Variants in EPRS1 observed in about 807,000 individuals in gnomAD.
EPRS1 encodes glutamyl-prolyl-tRNA synthetase 1.
In EPRS1, 107 loss-of-function variants were observed where a neutral mutation model predicts 188.3. The observed-to-expected ratio is 0.57, with a 90% CI of 0.49 to 0.67. The LOEUF is 0.67. Among genes scored for constraint, EPRS1 ranks in the 30% least tolerant of loss-of-function variants. EPRS1 has a pLI of 0.00. For synonymous variants in EPRS1, 596 were observed against 593.1 expected, an observed-to-expected ratio of 1.00 and a Z score of -0.07; for missense variants, 1,577 against 1,802.2, an observed-to-expected ratio of 0.88 and a Z score of 2.26.
chr1:220,013,607 A>C (rs1049078920), intron 12 of EPRS1, among the ~76,000 whole-genome samples: 3 of 152,208 alleles, frequency 2.0e-5, no homozygotes, highest in Admixed American at 6.5e-5. Context: ...TCACAACTCC[A>C]CGGCGCTAAA....
chr1:219,990,380 A>G (rs1661096771), intron 18 of EPRS1, among the ~76,000 whole-genome samples: 1 of 152,180 alleles, frequency 6.6e-6, no homozygotes. Flanking sequence ...GTACCTAAAG[A>G]TTCTTGAGAG....
intron 12 of EPRS1, among the ~76,000 whole-genome samples, chr1:220,011,343 A>G (rs890783477): frequency 7.9e-5 from 12 of 152,354 alleles, no homozygotes; most frequent in African/African-American, 2.6e-4. Flanking sequence ...AAATAATTTT[A>G]AAATCTGGTA....
intron 6 of EPRS1, among the ~76,000 whole-genome samples, chr1:220,025,642 T>C (rs1393178966): frequency 1.3e-5 from 2 of 152,136 alleles, no homozygotes; most frequent in Non-Finnish European, 2.9e-5. Flanking sequence ...TAATAAGACC[T>C]ACTACTACTG....
chr1:220,021,668 T>C (rs911200404), intron 9 of EPRS1, among the ~76,000 whole-genome samples: 1 of 152,196 alleles, frequency 6.6e-6, no homozygotes, highest in Non-Finnish European at 1.5e-5. Flanking sequence ...TGTATGCACA[T>C]ATAATCACAT....
At chr1:220,026,366 T>C (rs558113084) in intron 6 of EPRS1, among the ~76,000 whole-genome samples, 2 of 152,226 alleles carry the variant, frequency 1.3e-5, no homozygotes, top group African/African-American at 4.8e-5. Flanking sequence ...CCTCCTTCTA[T>C]CAAGTACATG....
intron 12 of EPRS1, among the ~76,000 whole-genome samples, chr1:220,017,592 A>C (rs1661745755): frequency 6.6e-6 from 1 of 152,218 alleles, no homozygotes; most frequent in Non-Finnish European, 1.5e-5. Context: ...GAAACAAGCA[A>C]CTATATCTTG....
intron 23 of EPRS1, 37 bp from the exon 24 acceptor site, chr1:219,981,494 G>T: frequency 1.5e-6 from 2 of 1,362,918 alleles, no homozygotes; most frequent in Non-Finnish European, 2.1e-6. Flanking sequence ...GTCATTTAAG[G>T]CTTTATTTCT....
chr1:220,032,069 C>A (rs1662093872), intron 5 of EPRS1, among the ~76,000 whole-genome samples: 1 of 151,662 alleles, frequency 6.6e-6, no homozygotes, highest in African/African-American at 2.4e-5. Context: ...CTCAGACAGA[C>A]TGAAATGTCA....
chr1:220,005,336 G>T lies in EPRS1; in HGVS notation c.1975C>A (p.Pro659Thr). ...SKHEELMLGD[P>T]CLKDLKKGDI... Reference sequence around the variant, plus strand: ...CCTTTTTTCAAATCCTTAAGGCAGGGATCCCCTAGCATTAGCTCTTCATGC... The same window carrying T: ...CCTTTTTTCAAATCCTTAAGGCAGGTATCCCCTAGCATTAGCTCTTCATGC... The change falls in exon 16 of 32, where the codon CCC (proline) becomes ACC (threonine). Residue 659 changes from proline to threonine, a missense_variant. Transcript: ENST00000366923. 6.3e-7 allele frequency: 1 copy of T among 1,590,126 alleles called. No homozygotes were observed. Among genetic ancestry groups the T allele is most frequent in the African/African-American group, 1.4e-5 (1 of 74,036 alleles).
intron 9 of EPRS1, 98 bp from the exon 10 acceptor site, chr1:220,020,319 A>G: frequency 1.3e-6 from 1 of 775,134 alleles, no homozygotes; most frequent in Non-Finnish European, 2.0e-6. Flanking sequence ...GTAATTCTTT[A>G]CAAGTTAAGA....
At chr1:220,023,342 T>G (rs527394529) in intron 8 of EPRS1, among the ~76,000 whole-genome samples, 66 of 152,286 alleles carry the variant, frequency 4.3e-4, no homozygotes, top group African/African-American at 1.6e-3. Flanking sequence ...CCTCTGAAAA[T>G]GTAGAAAACC....
chr1:219,981,516 G>T, intron 23 of EPRS1, 59 bp from the exon 24 acceptor site: 1 of 1,002,862 alleles, frequency 1.0e-6, no homozygotes, highest in Non-Finnish European at 1.5e-6. Context: ...CTTTAGGGAT[G>T]TAACAGCTAA....
chr1:219,971,349 T>C (rs2102557751), intron 30 of EPRS1, among the ~76,000 whole-genome samples: 1 of 152,226 alleles, frequency 6.6e-6, no homozygotes, highest in African/African-American at 2.4e-5. Context: ...ATATATAAAA[T>C]CAATTAAATC....
chr1:220,030,609 C>A, intron 5 of EPRS1, 129 bp from the exon 6 acceptor site: 1 of 670,466 alleles, frequency 1.5e-6, no homozygotes, highest in Non-Finnish European at 2.7e-6. Flanking sequence ...AACATCATCC[C>A]TACACTTGAG....
intron 1 of EPRS1, among the ~76,000 whole-genome samples, chr1:220,045,752 C>T (rs1662389749): frequency 6.6e-6 from 1 of 152,124 alleles, no homozygotes; most frequent in South Asian, 2.1e-4. Flanking sequence ...GGTGTTTTCC[C>T]CAATTACCCT....
At position 220,034,928 on chromosome 1, in the gene EPRS1, T is replaced by C. The variant is rs1571697693; in HGVS notation, c.217A>G (p.Met73Val). Reference sequence around the variant, plus strand: ...TCATTGCTTACCTCAGTATGTTCCATCAGATTAGAGCCATATAACCCAGCT... The same window carrying C: ...TCATTGCTTACCTCAGTATGTTCCACCAGATTAGAGCCATATAACCCAGCT... The part of the protein sequence containing the change: ...TTAGLYGSNL[M>V]EHTEIDHWLE... Residue 73 changes from methionine to valine, a missense_variant, in exon 3 of 32, where the codon ATG becomes GTG. Coordinates refer to ENST00000366923, the MANE Select transcript of EPRS1 (RefSeq NM_004446.3). The C allele has an allele frequency of 1.3e-6, 2 of 1,587,822 alleles. No individual in the cohort carries two copies. Among genetic ancestry groups the C allele is most frequent in the East Asian group, 2.2e-5 (1 of 44,702 alleles).
rs766890521 is a variant in EPRS1 at position 220,018,975 on chromosome 1, G to C, written c.1434+20C>G. On this transcript the variant is annotated intron_variant, in intron 11 of 31. Transcript: ENST00000366923. ...CCTGAAATTTCAAACAGACAAGCTG[G>C]AAAAGAAACTGTAACGCACCTGAGC... 7 of 1,560,072 alleles carry C rather than the reference G, an allele frequency of 4.5e-6. No homozygotes were observed. The East Asian group carries it at 1.1e-4, about 25-fold the overall frequency.
In EPRS1 at chr1:219,969,066, G is replaced by A. The variant is rs763133315; in HGVS notation, c.4380C>T (p.Thr1460=). The change falls in exon 31 of 32, where the codon ACC becomes ACT. Residue 1460 remains threonine (T), a synonymous_variant. Coordinates refer to ENST00000366923, the MANE Select transcript of EPRS1 (RefSeq NM_004446.3). ...EIDCEDWIKK[T]TARDQDLEPG... is the part of the protein sequence containing the mutation. ...CAGTTAATTAGGTTTACCTGGCAGT[G>A]GTCTTTTTGATCCAGTCCTCACAGT... The A allele has an allele frequency of 9.9e-6, 16 of 1,612,128 alleles. No homozygotes were observed. Among genetic ancestry groups the A allele is most frequent in the Non-Finnish European group, 1.3e-5 (15 of 1,178,232 alleles).
At chr1:220,008,864 C>G (rs1447278140) in intron 13 of EPRS1, among the ~76,000 whole-genome samples, 1 of 151,988 alleles carries the variant, frequency 6.6e-6, no homozygotes, top group African/African-American at 2.4e-5. Context: ...TTCGTAGAGA[C>G]AGAGTCTTGC....
Sources: gnomAD v4.1 joint callset for allele counts (sites outside exome capture counted in the v4.1 genomes callset) on GRCh38, gnomAD v4.1.1 for gene constraint, MANE v1.5 for transcripts, NCBI Gene and HGNC (gene_info 2026-07-23, HGNC 2026-07-21) for gene names.